SLC30A7: variants seen among roughly 807,000 people sequenced by gnomAD.
SLC30A7 encodes the protein solute carrier family 30 member 7, also known as zinc transporter 7.
SLC30A7 carries 35 observed loss-of-function variants against 46.0 expected under a neutral mutation model. That is an observed-to-expected ratio of 0.76 (90% CI 0.58 to 1.01). The LOEUF (loss-of-function observed/expected upper bound fraction) is 1.01, where lower values mean the gene tolerates loss of function less well. Ranked by LOEUF, SLC30A7 falls within the 50% of genes least tolerant of loss-of-function variation. The pLI, the probability that SLC30A7 is intolerant of heterozygous loss-of-function variation, is 0.00. For synonymous variants in SLC30A7, 147 were observed against 157.8 expected (o/e 0.93, Z 0.51); for missense variants, 464 against 451.1 (o/e 1.03, Z -0.26).
chr1:100,939,564 C>T (rs1051664770), intron 8 of SLC30A7, among the ~76,000 whole-genome samples: 15 of 151,696 alleles, frequency 9.9e-5, no homozygotes, highest in Admixed American at 5.3e-4. Flanking sequence ...TGGCCGGGCG[C>T]GGTGGCTCTC....
chr1:100,947,218 A>C (rs1399082657), intron 8 of SLC30A7, among the ~76,000 whole-genome samples: 2 of 152,192 alleles, frequency 1.3e-5, no homozygotes, highest in African/African-American at 4.8e-5. Flanking sequence ...CCCACTGCAC[A>C]CTGCTTTAAA....
At chr1:100,910,983 T>A in intron 3 of SLC30A7, 80 bp from the exon 4 acceptor site, 1 of 1,107,856 alleles carries the variant, frequency 9.0e-7, no homozygotes, top group Non-Finnish European at 1.3e-6. Context: ...TGGTTTGGAA[T>A]CTCTGAATGT....
chr1:100,912,115 G>A lies in SLC30A7; in HGVS notation c.388G>A (p.Ala130Thr). The A allele has an allele frequency of 6.2e-7, 1 of 1,613,530 alleles. No homozygotes were observed. ...GTTTGTATTATGTGTTTTCTAGAGAGCATTAGCCCCTCCAGATGTCCACCA... is the reference window on the plus strand; with the variant it reads ...GTTTGTATTATGTGTTTTCTAGAGAACATTAGCCCCTCCAGATGTCCACCA... ...FFIFSEGVERALAPPDVHHER... is the reference protein window; with the variant it reads ...FFIFSEGVERTLAPPDVHHER... The change falls in exon 5 of 11, where the codon GCA (alanine) becomes ACA (threonine). Residue 130 changes from alanine to threonine, a missense_variant. By Grantham distance (58) the Ala-to-Thr change is moderately conservative. Transcript: ENST00000357650.
At chr1:100,982,804 C>G (rs1257347104), downstream of SLC30A7, among the ~76,000 whole-genome samples, 1 of 152,148 alleles carries the variant, frequency 6.6e-6, no homozygotes, top group Non-Finnish European at 1.5e-5. Context: ...TCCTGGCTTC[C>G]TGAATGCCGG....
intron 4 of SLC30A7, among the ~76,000 whole-genome samples, chr1:100,911,619 C>T (rs1010518370): frequency 2.0e-5 from 3 of 152,126 alleles, no homozygotes; most frequent in Admixed American, 6.5e-5. Context: ...GGCGCGATCT[C>T]GGCTTACTGC....
In SLC30A7 at chr1:100,964,295, T is replaced by G. The variant is rs148692595; in HGVS notation, c.934-1474T>G. On this transcript the variant is annotated intron_variant, in intron 9 of 10. Transcript: ENST00000357650. ...TATAACCTATAACATATATGTTATA[T>G]AACTTATGTAACCTATATATGTTAT... 2.6e-3 allele frequency among the ~76,000 whole-genome samples: 387 copies of G among 147,356 alleles called. 2 individuals carry two copies. The highest frequency in any genetic ancestry group is 9.2e-3 in the African/African-American group (370 of 40,102).
intron 6 of SLC30A7, among the ~76,000 whole-genome samples, chr1:100,917,065 A>G (rs932229142): frequency 2.0e-5 from 3 of 151,894 alleles, no homozygotes; most frequent in African/African-American, 4.8e-5. Context: ...CTTCTTGTCT[A>G]TTTTTGCCTG....
chr1:100,944,698 C>T (rs1476980147), intron 8 of SLC30A7, among the ~76,000 whole-genome samples: 2 of 140,288 alleles, frequency 1.4e-5, no homozygotes, highest in Non-Finnish European at 3.0e-5. Flanking sequence ...TTTCTTAATA[C>T]AGTCTATCAT....
In SLC30A7 at chr1:100,981,103, ACTT is replaced by A. The variant is rs1047649457; in HGVS notation, c.*6249_*6251del. On this transcript the variant is annotated 3_prime_UTR_variant, in exon 11 of 11. Coordinates refer to ENST00000357650, the MANE Select transcript of SLC30A7 (RefSeq NM_133496.5). The stretch of plus-strand genomic sequence containing the variant: ...TTTTCATTGTTATTTCCACTATAGA[ACTT>A]CTACTTTATACTAGCGGGGAAAATT... 2.6e-5 allele frequency: 4 copies of A among 152,186 alleles called. No homozygotes were observed. The highest frequency in any genetic ancestry group is 5.9e-5 in the Non-Finnish European group (4 of 67,958). The allele number at this position is 152,186 out of a possible 1,614,324, so 9.4% of individuals were successfully genotyped here.
At chr1:100,934,184 T>G (rs1450133325) in intron 8 of SLC30A7, among the ~76,000 whole-genome samples, 1 of 152,212 alleles carries the variant, frequency 6.6e-6, no homozygotes, top group African/African-American at 2.4e-5. Flanking sequence ...TTTTCTCAAG[T>G]GTGGATTTTT....
chr1:100,991,222 T>C, the SLC30A7 span, among the ~76,000 whole-genome samples: 1 of 152,232 alleles, frequency 6.6e-6, no homozygotes, highest in African/African-American at 2.4e-5. Context: ...GCACTATTTA[T>C]GTTTTTCAGT....
intron 8 of SLC30A7, among the ~76,000 whole-genome samples, chr1:100,934,254 A>G (rs1047778279): frequency 1.3e-5 from 2 of 152,248 alleles, no homozygotes; most frequent in Admixed American, 1.3e-4. Context: ...GTGTTTACAC[A>G]TGATACCTTT....
chr1:100,935,737 T>C (rs886699146), intron 8 of SLC30A7, among the ~76,000 whole-genome samples: 2 of 152,180 alleles, frequency 1.3e-5, no homozygotes, highest in African/African-American at 2.4e-5. Flanking sequence ...TGTAAATAAA[T>C]GACATTAAAG....
downstream of SLC30A7, among the ~76,000 whole-genome samples, chr1:100,983,866 A>G (rs1657121519): frequency 6.6e-6 from 1 of 152,148 alleles, no homozygotes; most frequent in Admixed American, 6.5e-5. Flanking sequence ...AAAATTACAA[A>G]TAAAATAAGG....
At chr1:100,941,993 G>A (rs76342193) in intron 8 of SLC30A7, 1 of 242,166 alleles carries the variant, frequency 4.1e-6, no homozygotes, top group Non-Finnish European at 8.1e-6. Flanking sequence ...TGACTGCGAC[G>A]TGACGGCAGT....
At chr1:100,986,768 A>G in the SLC30A7 span, among the ~76,000 whole-genome samples, 1 of 152,244 alleles carries the variant, frequency 6.6e-6, no homozygotes, top group African/African-American at 2.4e-5. Context: ...ATAAAGAGGA[A>G]TGAACTAGAG....
At chr1:100,918,020 G>T (rs1029530177) in intron 6 of SLC30A7, 57 bp from the exon 7 acceptor site, 2 of 1,449,042 alleles carry the variant, frequency 1.4e-6, no homozygotes, top group South Asian at 2.4e-5. Context: ...ACTCTGAATT[G>T]TAAAAACTTG....
At chr1:100,992,567 T>C in the SLC30A7 span, 4 of 1,087,396 alleles carry the variant, frequency 3.7e-6, no homozygotes, top group Non-Finnish European at 5.6e-6. Context: ...GTATGAGATA[T>C]TAAGTCATAT....
intron 2 of SLC30A7, among the ~76,000 whole-genome samples, chr1:100,901,337 A>G (rs947794729): frequency 6.6e-6 from 1 of 152,170 alleles, no homozygotes; most frequent in East Asian, 1.9e-4. Context: ...TTTGCCTCCA[A>G]TAGACCCTAA....
Sources: allele counts gnomAD v4.1 joint callset (sites outside exome capture counted in the v4.1 genomes callset), GRCh38; gene constraint gnomAD v4.1.1; transcripts MANE v1.5; gene names NCBI Gene and HGNC (gene_info 2026-07-23, HGNC 2026-07-21).